Variants in PAX8 observed in about 807,000 individuals in gnomAD.
PAX8 encodes paired box protein Pax-8.
PAX8 carries 15 observed loss-of-function variants against 52.4 expected under a neutral mutation model. The ratio of observed to expected loss-of-function variants is 0.29; its 90% confidence interval spans 0.19 to 0.44. PAX8 has a LOEUF of 0.44. Among genes scored for constraint, PAX8 ranks in the 20% least tolerant of loss-of-function variants. The pLI, the probability that PAX8 is intolerant of heterozygous loss-of-function variation, is 1.00. For missense variants in PAX8, 554 were observed against 602.5 expected (o/e 0.92, Z 0.84); for synonymous variants, 284 against 249.7 (o/e 1.14, Z -1.29).
chr2:113,252,372 C>T (rs956736329), intron 2 of PAX8, among the ~76,000 whole-genome samples: 3 of 152,208 alleles, frequency 2.0e-5, no homozygotes, highest in Admixed American at 1.3e-4. Context: ...CTGTGATCTC[C>T]ATGTGCCACC....
intron 2 of PAX8, chr2:113,259,312 A>G (rs968512864): frequency 2.6e-5 from 4 of 152,520 alleles, no homozygotes; most frequent in African/African-American, 9.7e-5. Flanking sequence ...TGGCTAATCC[A>G]CACCCTGCAC....
chr2:113,278,689 G>A (rs150176974), intron 1 of PAX8, 142 bp downstream of exon 1: 7 of 628,060 alleles, frequency 1.1e-5, no homozygotes, highest in Non-Finnish European at 1.8e-5. Flanking sequence ...TCCAACCTCC[G>A]TGCCCACTCC....
chr2:113,228,944 A>C lies in PAX8; in HGVS notation c.1088-1688T>G, dbSNP rs557391131. Among the ~76,000 whole-genome samples, 7 of 152,310 alleles carry C rather than the reference A, an allele frequency of 4.6e-5. No homozygotes were observed. In the East Asian group the frequency reaches 1.2e-3, roughly 25 times the overall value. On this transcript the variant is annotated intron_variant, in intron 9 of 11. Transcript: ENST00000429538. ...TATCTCTCTTTCTGGAGATTCCCCA[A>C]AGACAGTGTTCATTCACTAAATACT...
At chr2:113,254,572 C>A (rs1692047734) in intron 2 of PAX8, among the ~76,000 whole-genome samples, 1 of 152,172 alleles carries the variant, frequency 6.6e-6, no homozygotes, top group African/African-American at 2.4e-5. Context: ...CATCTAAATC[C>A]TAGTCTGGCC....
intron 2 of PAX8, chr2:113,273,347 G>A (rs976978097): frequency 6.6e-6 from 1 of 152,214 alleles, no homozygotes; most frequent in Admixed American, 6.5e-5. Context: ...GGGTCCTCAG[G>A]GAGTCTTCTT....
intron 6 of PAX8, 98 bp downstream of exon 6, chr2:113,241,910 A>G (rs1690881788): frequency 6.6e-7 from 1 of 1,505,570 alleles, no homozygotes; most frequent in Non-Finnish European, 9.1e-7. Flanking sequence ...GAGCCCCTAC[A>G]AAGTCCCATA....
At chr2:113,250,854 A>G in intron 2 of PAX8, 1 of 152,278 alleles carries the variant, frequency 6.6e-6, no homozygotes, top group East Asian at 1.9e-4. Context: ...ATGATAAGAC[A>G]CATTAGGAAT....
Position 113,248,733 on chromosome 2 carries a change from C to T in PAX8, c.26-1814G>A, listed in dbSNP as rs537673592. Among the ~76,000 whole-genome samples, 124 of 151,522 alleles carry T rather than the reference C, an allele frequency of 8.2e-4. 1 individual carries two copies. The highest frequency in any genetic ancestry group is 2.7e-3 in the African/African-American group (113 of 41,278). On this transcript the variant is annotated intron_variant, in intron 2 of 11. Coordinates refer to ENST00000429538, the MANE Select transcript of PAX8 (RefSeq NM_003466.4). ...CAGCACTTTGGGAGGCTGAGGCGGG[C>T]GGATCACCTGAGGTCAGGAGTTCGA...
Position 113,236,638 on chromosome 2 carries a change from G to A in PAX8, c.861C>T (p.Arg287=). 2 of 1,594,158 alleles carry A rather than the reference G, an allele frequency of 1.3e-6. No individual in the cohort carries two copies. The highest frequency in any genetic ancestry group is 1.7e-6 in the Non-Finnish European group (2 of 1,170,864). ...GGTAGGTCTGGTGAGTCGAGAGGTTGCGCCCCAGTGGCGTGTTGGAAGGGG... is the reference window on the plus strand; with the variant it reads ...GGTAGGTCTGGTGAGTCGAGAGGTTACGCCCCAGTGGCGTGTTGGAAGGGG... ...TLTPSNTPLG[R]NLSTHQTYPV... Residue 287 remains arginine (R), a synonymous_variant, in exon 8 of 12, where the codon CGC becomes CGT. Coordinates refer to ENST00000429538, the MANE Select transcript of PAX8 (RefSeq NM_003466.4).
intron 2 of PAX8, chr2:113,272,965 G>A (rs897651690): frequency 3.3e-5 from 5 of 152,150 alleles, no homozygotes; most frequent in African/African-American, 1.2e-4. Context: ...TCTTGAAGGT[G>A]GGCTCATTCA....
At chr2:113,244,714 G>C (rs1249829992) in intron 3 of PAX8, 90 bp from the exon 4 acceptor site, 2 of 1,211,446 alleles carry the variant, frequency 1.7e-6, no homozygotes, top group African/African-American at 3.0e-5. Flanking sequence ...CCTCTCTGAG[G>C]CTTCTGGGTA....
At chr2:113,231,725 TTTA>T (rs1436478894) in intron 9 of PAX8, among the ~76,000 whole-genome samples, 2 of 152,124 alleles carry the variant, frequency 1.3e-5, no homozygotes, top group African/African-American at 4.8e-5. Context: ...CTTCTCTTTC[TTTA>T]TTATTTTTTT....
At chr2:113,271,399 G>A (rs1298157830) in intron 2 of PAX8, 2 of 152,132 alleles carry the variant, frequency 1.3e-5, no homozygotes, top group Non-Finnish European at 2.9e-5. Context: ...CGGCAGCCTT[G>A]GGGGGATGTG....
chr2:113,231,263 T>C (rs1201471308), intron 9 of PAX8, among the ~76,000 whole-genome samples: 3 of 152,332 alleles, frequency 2.0e-5, no homozygotes, highest in South Asian at 2.1e-4. Context: ...ACCTAACTCA[T>C]GGCTTTCCTT....
At chr2:113,262,030 A>C (rs1692722739) in intron 2 of PAX8, among the ~76,000 whole-genome samples, 1 of 151,994 alleles carries the variant, frequency 6.6e-6, no homozygotes, top group Non-Finnish European at 1.5e-5. Flanking sequence ...GGGTTTCGTC[A>C]TGTTGGCCAA....
At chr2:113,226,227 T>C (rs1167120734) in intron 10 of PAX8, 11 of 985,244 alleles carry the variant, frequency 1.1e-5, no homozygotes, top group Non-Finnish European at 6.0e-6. Context: ...CCTAGGTAAA[T>C]ACGCCAAGTC....
chr2:113,229,258 T>G (rs1689754030), intron 9 of PAX8, among the ~76,000 whole-genome samples: 1 of 152,090 alleles, frequency 6.6e-6, no homozygotes. Context: ...GCCCCAAGGG[T>G]CAGTTTCTTC....
chr2:113,277,821 C>T (rs1032965816), intron 2 of PAX8, among the ~76,000 whole-genome samples: 19 of 152,128 alleles, frequency 1.2e-4, no homozygotes, highest in Non-Finnish European at 2.5e-4. Context: ...CCCGGCCTGC[C>T]CGGTGCTGGG....
intron 2 of PAX8, among the ~76,000 whole-genome samples, chr2:113,277,970 G>A (rs1334874523): frequency 2.0e-5 from 3 of 152,180 alleles, no homozygotes; most frequent in African/African-American, 4.8e-5. Context: ...GCGCGCACCC[G>A]AGGAAGAGGA....
Sources: gnomAD v4.1 joint callset for allele counts (sites outside exome capture counted in the v4.1 genomes callset) on GRCh38, gnomAD v4.1.1 for gene constraint, MANE v1.5 for transcripts, NCBI Gene and HGNC (gene_info 2026-07-23, HGNC 2026-07-21) for gene names.